Variants in ZFAND3 observed in about 807,000 individuals in gnomAD.
ZFAND3 encodes the protein zinc finger AN1-type containing 3, also known as AN1-type zinc finger protein 3.
ZFAND3 carries 10 observed loss-of-function variants against 29.6 expected under a neutral mutation model. The observed-to-expected ratio is 0.34, with a 90% CI of 0.21 to 0.57. The LOEUF (loss-of-function observed/expected upper bound fraction) is 0.57. ZFAND3 is among the 20% of genes least tolerant of loss of function. The pLI, the probability that ZFAND3 is intolerant of heterozygous loss-of-function variation, is 0.86. For synonymous variants in ZFAND3, 128 were observed against 112.6 expected (o/e 1.14, Z -0.87); for missense variants, 230 against 304.5 (o/e 0.76, Z 1.82).
intron 2 of ZFAND3, among the ~76,000 whole-genome samples, chr6:37,966,291 C>G (rs2127426568): frequency 6.6e-6 from 1 of 152,288 alleles, no homozygotes; most frequent in East Asian, 1.9e-4. Context: ...GTTGGGTATT[C>G]TCTTCCAAGT....
intron 4 of ZFAND3, among the ~76,000 whole-genome samples, chr6:38,116,105 G>C (rs1233764688): frequency 1.3e-5 from 2 of 152,228 alleles, no homozygotes. Context: ...GAATGGAATT[G>C]TGAAAGCATA....
chr6:37,927,048 C>A (rs1761497708), intron 1 of ZFAND3, among the ~76,000 whole-genome samples: 1 of 152,092 alleles, frequency 6.6e-6, no homozygotes, highest in Non-Finnish European at 1.5e-5. Flanking sequence ...GTAATAATAT[C>A]AGTAGTTATA....
intron 2 of ZFAND3, among the ~76,000 whole-genome samples, chr6:37,949,101 T>C (rs1416140502): frequency 2.0e-5 from 3 of 152,202 alleles, no homozygotes; most frequent in Non-Finnish European, 1.5e-5. Context: ...GCATTCTCTT[T>C]TCTCTGCACC....
chr6:38,101,639 T>C (rs950113159), intron 4 of ZFAND3, among the ~76,000 whole-genome samples: 8 of 151,732 alleles, frequency 5.3e-5, no homozygotes, highest in Admixed American at 5.2e-4. Context: ...CCGGGCATGG[T>C]GGTGGGCACC....
At chr6:37,926,194 A>G (rs866323572) in intron 1 of ZFAND3, among the ~76,000 whole-genome samples, 4 of 152,244 alleles carry the variant, frequency 2.6e-5, no homozygotes, top group Non-Finnish European at 5.9e-5. Flanking sequence ...GAGAGGGAAT[A>G]TGCTATGATC....
chr6:37,822,096 A>C (rs1043443869), intron 1 of ZFAND3, among the ~76,000 whole-genome samples: 1 of 152,152 alleles, frequency 6.6e-6, no homozygotes, highest in Admixed American at 6.5e-5. Context: ...TGGACTCCCA[A>C]AGTGCTGGGA....
intron 2 of ZFAND3, among the ~76,000 whole-genome samples, chr6:38,056,166 G>C (rs1328987639): frequency 6.6e-6 from 1 of 152,182 alleles, no homozygotes; most frequent in Non-Finnish European, 1.5e-5. Context: ...ATAGTGAAAA[G>C]TTGGTAAATG....
chr6:38,004,754 G>A (rs190455216), intron 2 of ZFAND3, among the ~76,000 whole-genome samples: 21 of 152,202 alleles, frequency 1.4e-4, no homozygotes, highest in African/African-American at 4.6e-4. Flanking sequence ...AAATGAAATC[G>A]AGAGATAATT....
chr6:38,009,223 T>G (rs1763103325), intron 2 of ZFAND3, among the ~76,000 whole-genome samples: 1 of 152,190 alleles, frequency 6.6e-6, no homozygotes, highest in Non-Finnish European at 1.5e-5. Context: ...TTCTAAACTT[T>G]TTCACTATGA....
intron 1 of ZFAND3, among the ~76,000 whole-genome samples, chr6:37,837,826 C>A (rs567876073): frequency 3.3e-5 from 5 of 152,200 alleles, no homozygotes; most frequent in Admixed American, 6.5e-5. Context: ...TATTAAAGAA[C>A]AACATATATA....
chr6:38,014,750 G>A (rs1461336659), intron 2 of ZFAND3, among the ~76,000 whole-genome samples: 1 of 152,168 alleles, frequency 6.6e-6, no homozygotes, highest in Non-Finnish European at 1.5e-5. Flanking sequence ...GATGGGATTG[G>A]CGGGTGGTCC....
At chr6:38,111,911 A>G (rs1765328610) in intron 4 of ZFAND3, among the ~76,000 whole-genome samples, 1 of 152,184 alleles carries the variant, frequency 6.6e-6, no homozygotes, top group Non-Finnish European at 1.5e-5. Context: ...TTGCCATTTT[A>G]TATAAGGGAC....
intron 5 of ZFAND3, 96 bp from the exon 6 acceptor site, chr6:38,152,139 T>G (rs778301290): frequency 7.0e-5 from 83 of 1,186,050 alleles, no homozygotes; most frequent in Admixed American, 2.7e-5. Context: ...CTCACTGGGA[T>G]GCCCCTCCAT....
intron 1 of ZFAND3, among the ~76,000 whole-genome samples, chr6:37,857,198 A>G (rs1581712735): frequency 6.6e-6 from 1 of 152,316 alleles, no homozygotes; most frequent in Non-Finnish European, 1.5e-5. Flanking sequence ...AGAATAATGG[A>G]ATCATAAAAA....
chr6:38,002,281 TTTTC>T (rs1316602039), intron 2 of ZFAND3, among the ~76,000 whole-genome samples: 1 of 131,584 alleles, frequency 7.6e-6, no homozygotes, highest in Admixed American at 8.7e-5. Flanking sequence ...CTGTATTTTC[TTTTC>T]TTTTTTTTTT....
rs764049321 is a variant in ZFAND3, at chr6:38,116,683, T to C, written c.473T>C (p.Phe158Ser). Residue 158 changes from phenylalanine to serine, a missense_variant, in exon 5 of 6, where the codon TTC becomes TCC. By Grantham distance (155) the Phe-to-Ser change is radical (BLOSUM62 -2). Coordinates refer to ENST00000287218, the MANE Select transcript of ZFAND3 (RefSeq NM_021943.3). ...AAACAGAAGAGTCGACGTCGGTGCT[T>C]CCAGTGCCAAACCAAACTGGAGCTG... ...RSKQKSRRRC[F>S]QCQTKLELVQ... 3 of 1,614,122 alleles carry C rather than the reference T, an allele frequency of 1.9e-6. No homozygotes were observed. The highest frequency in any genetic ancestry group is 2.5e-6 in the Non-Finnish European group (3 of 1,179,986).
rs925454548 is a variant in ZFAND3 at position 37,957,718 on chromosome 6, C to T, written c.112+27719C>T. Reference sequence around the variant, plus strand: ...AGCTAAGAAATATGGTAGAACTCTACCCTTAGTTGTTTTCAAGGACACATG... The same window carrying T: ...AGCTAAGAAATATGGTAGAACTCTATCCTTAGTTGTTTTCAAGGACACATG... On this transcript the variant is annotated intron_variant, in intron 2 of 5. Transcript: ENST00000287218. 7.2e-5 allele frequency among the ~76,000 whole-genome samples: 11 copies of T among 152,094 alleles called. 1 individual carries two copies. The highest frequency in any genetic ancestry group is 3.3e-4 in the Admixed American group (5 of 15,282).
intron 1 of ZFAND3, among the ~76,000 whole-genome samples, chr6:37,821,667 T>C (rs556245656): frequency 1.3e-5 from 2 of 152,340 alleles, no homozygotes; most frequent in African/African-American, 2.4e-5. Flanking sequence ...GTAAGACATA[T>C]GTCCTAAAGA....
At chr6:38,000,661 A>T (rs1308515934) in intron 2 of ZFAND3, among the ~76,000 whole-genome samples, 6 of 152,174 alleles carry the variant, frequency 3.9e-5, no homozygotes, top group Non-Finnish European at 7.3e-5. Context: ...CCCTCCCATG[A>T]CACGTAGGAA....
Sources: allele counts gnomAD v4.1 joint callset (sites outside exome capture counted in the v4.1 genomes callset), GRCh38; gene constraint gnomAD v4.1.1; transcripts MANE v1.5; gene names NCBI Gene and HGNC (gene_info 2026-07-23, HGNC 2026-07-21).